Variants in TMCC3 observed in about 807,000 individuals in gnomAD.
The protein encoded by TMCC3 is transmembrane and coiled-coil domain family 3, also known as transmembrane and coiled-coil domain protein 3.
A neutral mutation model predicts 40.2 loss-of-function variants in TMCC3; 28 were observed. The ratio of observed to expected loss-of-function variants is 0.70; its 90% CI spans 0.52 to 0.95. TMCC3 has a LOEUF of 0.95. Ranked by LOEUF, TMCC3 falls within the 40% of genes least tolerant of loss-of-function variation. TMCC3 has a pLI of 0.00. For synonymous variants in TMCC3, 255 were observed against 248.5 expected, an observed-to-expected ratio of 1.03 and a Z score of -0.25; for missense variants, 554 against 615.2, an observed-to-expected ratio of 0.90 and a Z score of 1.05.
chr12:94,632,322 C>CA (rs1465575965), intron 1 of TMCC3, among the ~76,000 whole-genome samples: 2 of 152,184 alleles, frequency 1.3e-5, no homozygotes, highest in Admixed American at 1.3e-4. Context: ...AATATTGACA[C>CA]ATTTGCTTTA....
chr12:94,582,620 T>C (rs2068611990), intron 1 of TMCC3, 82 bp from the exon 2 acceptor site: 1 of 1,269,004 alleles, frequency 7.9e-7, no homozygotes, highest in Non-Finnish European at 1.1e-6. Context: ...ACATACAAGA[T>C]ACATACATGA....
At chr12:94,580,919 TTAA>T (rs2068596782) in intron 2 of TMCC3, among the ~76,000 whole-genome samples, 1 of 152,196 alleles carries the variant, frequency 6.6e-6, no homozygotes, top group African/African-American at 2.4e-5. Flanking sequence ...AATCAGCATC[TTAA>T]GATGCACGTG....
chr12:94,589,228 G>A (rs973915783), intron 1 of TMCC3, among the ~76,000 whole-genome samples: 11 of 152,074 alleles, frequency 7.2e-5, no homozygotes, highest in Non-Finnish European at 7.3e-5. Context: ...GCTCAGGGAC[G>A]CCAAAAGATT....
chr12:94,609,185 A>C (rs1389381163), intron 1 of TMCC3, among the ~76,000 whole-genome samples: 1 of 152,154 alleles, frequency 6.6e-6, no homozygotes, highest in Non-Finnish European at 1.5e-5. Flanking sequence ...CTATGATCAC[A>C]CCACTACACA....
intron 1 of TMCC3, among the ~76,000 whole-genome samples, chr12:94,624,130 A>C (rs2068890385): frequency 6.6e-6 from 1 of 152,208 alleles, no homozygotes; most frequent in African/African-American, 2.4e-5. Flanking sequence ...GACAGATAAT[A>C]ATAAGCACTG....
At chr12:94,621,797 G>C (rs1325505883) in intron 1 of TMCC3, among the ~76,000 whole-genome samples, 2 of 152,052 alleles carry the variant, frequency 1.3e-5, no homozygotes, top group Non-Finnish European at 2.9e-5. Flanking sequence ...GTAATCATGA[G>C]AGCCCCAGTA....
At chr12:94,627,721 G>A (rs142772837) in intron 1 of TMCC3, among the ~76,000 whole-genome samples, 1 of 152,318 alleles carries the variant, frequency 6.6e-6, no homozygotes, top group African/African-American at 2.4e-5. Context: ...CCCCTGACAA[G>A]AGCTTTCTTT....
chr12:94,598,866 G>A, intron 1 of TMCC3: 3 of 744,234 alleles, frequency 4.0e-6, no homozygotes, highest in Non-Finnish European at 4.9e-6. Context: ...ACTGTATCAT[G>A]ACCCTTCTTA....
chr12:94,648,526 G>A (rs775041958), intron 1 of TMCC3, among the ~76,000 whole-genome samples: 2 of 152,136 alleles, frequency 1.3e-5, no homozygotes, highest in African/African-American at 4.8e-5. Flanking sequence ...CCCCCGGCCC[G>A]TCAGCAGAAT....
intron 1 of TMCC3, among the ~76,000 whole-genome samples, chr12:94,620,133 A>G (rs571396932): frequency 4.6e-5 from 7 of 152,122 alleles, no homozygotes; most frequent in Non-Finnish European, 8.8e-5. Context: ...ATTGCACTCC[A>G]GCCTGGGCAA....
In TMCC3 at chr12:94,571,368, G is replaced by C. The variant is rs776698662; in HGVS notation, c.*67C>G. ...CGCACAATCATTCACTGTAAAATTT[G>C]GTAGTATGCACAGAGTTTTCTTTAA... On this transcript the variant is annotated 3_prime_UTR_variant, in exon 4 of 4. Transcript: ENST00000261226. The C allele has an allele frequency of 1.3e-6, 2 of 1,500,742 alleles. No homozygotes were observed. The highest frequency in any genetic ancestry group is 1.8e-6 in the Non-Finnish European group (2 of 1,101,614). The allele number at this position is 1,500,742 out of a possible 1,614,324, so 93.0% of individuals were successfully genotyped here.
At chr12:94,644,081 T>G (rs1423249359) in intron 1 of TMCC3, among the ~76,000 whole-genome samples, 3 of 152,228 alleles carry the variant, frequency 2.0e-5, no homozygotes, top group African/African-American at 7.2e-5. Flanking sequence ...ACCTATGTTC[T>G]TTTTACCTCC....
intron 1 of TMCC3, among the ~76,000 whole-genome samples, chr12:94,619,741 A>G (rs962137931): frequency 6.6e-6 from 1 of 152,256 alleles, no homozygotes; most frequent in Non-Finnish European, 1.5e-5. Context: ...CAGTATTACA[A>G]AGCAAAAGAA....
chr12:94,588,347 G>A (rs926415019), intron 1 of TMCC3, among the ~76,000 whole-genome samples: 1 of 152,192 alleles, frequency 6.6e-6, no homozygotes, highest in Non-Finnish European at 1.5e-5. Context: ...ACCCTGGAAC[G>A]ACAGGGACTG....
At chr12:94,627,468 C>T (rs567004875) in intron 1 of TMCC3, among the ~76,000 whole-genome samples, 3 of 152,288 alleles carry the variant, frequency 2.0e-5, no homozygotes, top group East Asian at 3.9e-4. Context: ...TCCAACAGCC[C>T]GGGAGATCCT....
intron 1 of TMCC3, among the ~76,000 whole-genome samples, chr12:94,597,142 TATATATATATATATATGTATATAA>T (rs1192508363): frequency 3.3e-4 from 5 of 15,134 alleles, no homozygotes; most frequent in East Asian, 1.2e-3. Flanking sequence ...TATATATATA[TATATATATATATATATGTATATAA>T]ATTAGCCAGG....
intron 1 of TMCC3, among the ~76,000 whole-genome samples, chr12:94,634,245 C>T (rs1372870787): frequency 6.6e-6 from 1 of 151,914 alleles, no homozygotes; most frequent in Admixed American, 6.6e-5. Flanking sequence ...GTGCCTGGCC[C>T]AGTATATGTA....
intron 1 of TMCC3, among the ~76,000 whole-genome samples, chr12:94,649,327 T>A (rs2069039099): frequency 6.6e-6 from 1 of 152,170 alleles, no homozygotes; most frequent in South Asian, 2.1e-4. Context: ...ACTATTTCCA[T>A]CCAGTTGGTC....
chr12:94,584,263 A>C (rs1364982730), intron 1 of TMCC3, among the ~76,000 whole-genome samples: 4 of 151,854 alleles, frequency 2.6e-5, no homozygotes, highest in Admixed American at 1.3e-4. Flanking sequence ...TGGTTGTTTA[A>C]AAGTGTGTAG....
Sources: gnomAD v4.1 joint callset for allele counts (sites outside exome capture counted in the v4.1 genomes callset) on GRCh38, gnomAD v4.1.1 for gene constraint, MANE v1.5 for transcripts, NCBI Gene and HGNC (gene_info 2026-07-23, HGNC 2026-07-21) for gene names.